Variants in TMEM132C observed in about 807,000 individuals in gnomAD.
TMEM132C encodes the protein transmembrane protein 132C, also known as protein phosphatase 1, regulatory subunit 152.
TMEM132C carries 29 observed loss-of-function variants against 61.4 expected under a neutral mutation model. The observed-to-expected ratio is 0.47, with a 90% CI of 0.35 to 0.64. TMEM132C has a LOEUF of 0.64. Among genes scored for constraint, TMEM132C ranks in the 30% least tolerant of loss-of-function variants. The pLI, the probability that TMEM132C is intolerant of heterozygous loss-of-function variation, is 0.00. For synonymous variants in TMEM132C, 656 were observed against 633.1 expected, an observed-to-expected ratio of 1.04 and a Z score of -0.54; for missense variants, 1,408 against 1,476.9, an observed-to-expected ratio of 0.95 and a Z score of 0.76.
In TMEM132C at chr12:128,415,401, T is replaced by A; in HGVS notation, c.755T>A (p.Ile252Asn). 1 of 1,550,360 alleles carries A rather than the reference T, an allele frequency of 6.5e-7. No individual in the cohort carries two copies. The highest frequency in any genetic ancestry group is 8.7e-7 in the Non-Finnish European group (1 of 1,146,016). The change falls in exon 2 of 9, where the codon ATC becomes AAC. Residue 252 changes from isoleucine to asparagine, a missense_variant. Coordinates refer to ENST00000435159, the MANE Select transcript of TMEM132C (RefSeq NM_001136103.3). This position sits in a 1 kb window ranked among gnomAD's most constrained non-coding sequence, Gnocchi z 5.8. Reference sequence around the variant, plus strand: ...GGTGACTTCAGGAAGGGCAACGCCATCCGTCCAGGAAAGGATGGGCTGGAG... The same window carrying A: ...GGTGACTTCAGGAAGGGCAACGCCAACCGTCCAGGAAAGGATGGGCTGGAG... The part of the protein sequence containing the change: ...AGGDFRKGNA[I>N]RPGKDGLEET...
chr12:128,530,290 G>C (rs569640237), intron 2 of TMEM132C, among the ~76,000 whole-genome samples: 122 of 152,256 alleles, frequency 8.0e-4, no homozygotes, highest in African/African-American at 2.8e-3. Flanking sequence ...GGCTGTGCTG[G>C]TCAGTGTTTA....
intron 2 of TMEM132C, among the ~76,000 whole-genome samples, chr12:128,487,730 G>A (rs1331735569): frequency 6.6e-6 from 1 of 151,932 alleles, no homozygotes; most frequent in Non-Finnish European, 1.5e-5. Context: ...AAGACACAGA[G>A]TGTTCCAGTC....
intron 1 of TMEM132C, among the ~76,000 whole-genome samples, chr12:128,361,072 G>A (rs1405664045): frequency 6.6e-6 from 1 of 152,168 alleles, no homozygotes; most frequent in Non-Finnish European, 1.5e-5. Flanking sequence ...CATGGTGCAG[G>A]AGTTGGGCAG....
rs1294497795 is a variant in TMEM132C at position 128,392,052 on chromosome 12, GTCTCTCTCTCTTTCTC to G, written c.86-22668_86-22653del. Among the ~76,000 whole-genome samples, 729 of 125,566 alleles carry G rather than the reference GTCTCTCTCTCTTTCTC, an allele frequency of 5.8e-3. 8 individuals are homozygous for G. The highest frequency in any genetic ancestry group is 0.019 in the African/African-American group (628 of 33,664). The allele number at this position is 125,566 out of a possible 152,430, so 82.4% of individuals were successfully genotyped here. A position where few individuals can be genotyped will look rare whatever the true frequency, so the allele number is the denominator to read the frequency against. ...CCCACCCTCTGCTCTCTCTGTCTCTGTCTCTCTCTCTTTCTCTCTCTCTCTCTCTCTCTCTCTCTCT... is the reference window on the plus strand; with the variant it reads ...CCCACCCTCTGCTCTCTCTGTCTCTGTCTCTCTCTCTCTCTCTCTCTCTCT... On this transcript the variant is annotated intron_variant, in intron 1 of 8. Transcript: ENST00000435159.
chr12:128,463,074 C>T (rs965160419), intron 2 of TMEM132C, among the ~76,000 whole-genome samples: 5 of 152,098 alleles, frequency 3.3e-5, no homozygotes, highest in African/African-American at 1.2e-4. Context: ...GAGGAGACAT[C>T]CTGGCCAAAG....
intron 2 of TMEM132C, among the ~76,000 whole-genome samples, chr12:128,513,426 A>C (rs1163342953): frequency 6.6e-6 from 1 of 152,190 alleles, no homozygotes; most frequent in Non-Finnish European, 1.5e-5. Flanking sequence ...ACCAGTCTTA[A>C]TTCCTTTGCC....
At chr12:128,691,749 A>G (rs973399200) in intron 5 of TMEM132C, among the ~76,000 whole-genome samples, 1 of 150,828 alleles carries the variant, frequency 6.6e-6, no homozygotes, top group Non-Finnish European at 1.5e-5. Flanking sequence ...CCATTTGTCC[A>G]CCACCCATTC....
chr12:128,665,502 C>A (rs1954451373), intron 4 of TMEM132C, among the ~76,000 whole-genome samples: 1 of 150,710 alleles, frequency 6.6e-6, no homozygotes, highest in South Asian at 2.1e-4. Context: ...GGCACAGGTA[C>A]CCATATGCAC....
At chr12:128,428,779 T>A (rs1057491643) in intron 2 of TMEM132C, among the ~76,000 whole-genome samples, 2 of 152,168 alleles carry the variant, frequency 1.3e-5, no homozygotes, top group African/African-American at 4.8e-5. Context: ...TACAGTTTTC[T>A]AGCTGTGCCA....
chr12:128,478,913 G>T (rs921555122), intron 2 of TMEM132C, among the ~76,000 whole-genome samples: 2 of 152,180 alleles, frequency 1.3e-5, no homozygotes, highest in African/African-American at 4.8e-5. Flanking sequence ...GTGCATTTGC[G>T]ACTTTTCATA....
chr12:128,575,240 G>C (rs116060120), intron 3 of TMEM132C, among the ~76,000 whole-genome samples: 3,699 of 152,310 alleles, frequency 0.024, 131 homozygotes, highest in African/African-American at 0.076. Flanking sequence ...AACACTTTGG[G>C]GGGGCCAAGG....
chr12:128,415,387 G>A lies in TMEM132C; in HGVS notation c.741G>A (p.Arg247=), dbSNP rs1274995977. Residue 247 remains arginine (R), a synonymous_variant, in exon 2 of 9, where the codon AGG becomes AGA. Coordinates refer to ENST00000435159, the MANE Select transcript of TMEM132C (RefSeq NM_001136103.3). This position sits in a 1 kb window ranked among gnomAD's most constrained non-coding sequence, Gnocchi z 5.8. ...GGGACTGTGCCGGGGGTGACTTCAGGAAGGGCAACGCCATCCGTCCAGGAA... is the reference window on the plus strand; with the variant it reads ...GGGACTGTGCCGGGGGTGACTTCAGAAAGGGCAACGCCATCCGTCCAGGAA... ...ERGDCAGGDF[R]KGNAIRPGKD... 5.2e-6 allele frequency: 8 copies of A among 1,550,764 alleles called. No individual in the cohort carries two copies. Among genetic ancestry groups the A allele is most frequent in the Non-Finnish European group, 6.1e-6 (7 of 1,145,886 alleles).
chr12:128,604,455 G>GATA (rs968772427), intron 3 of TMEM132C, among the ~76,000 whole-genome samples: 6 of 137,012 alleles, frequency 4.4e-5, no homozygotes, highest in African/African-American at 1.4e-4. Context: ...ATAGATAATA[G>GATA]ATGGATAGAT....
chr12:128,431,897 A>T (rs1248640718), intron 2 of TMEM132C, among the ~76,000 whole-genome samples: 3 of 152,144 alleles, frequency 2.0e-5, no homozygotes, highest in Non-Finnish European at 4.4e-5. Flanking sequence ...AGAGCAGGCT[A>T]ACTCTCTCCT....
chr12:128,498,436 G>C (rs559237632), intron 2 of TMEM132C, among the ~76,000 whole-genome samples: 6 of 152,318 alleles, frequency 3.9e-5, no homozygotes, highest in African/African-American at 1.4e-4. Flanking sequence ...AGCACTTTGA[G>C]AGGCTGAGGC....
chr12:128,665,857 AC>A (rs1380519468), intron 4 of TMEM132C, among the ~76,000 whole-genome samples: 1 of 147,980 alleles, frequency 6.8e-6, no homozygotes, highest in East Asian at 2.0e-4. Flanking sequence ...ACACACACAC[AC>A]ATACACACAG....
Position 128,436,470 on chromosome 12 carries a change from C to G in TMEM132C, c.974+20850C>G, listed in dbSNP as rs201883944. Among the ~76,000 whole-genome samples the G allele has an allele frequency of 5.6e-4, 85 of 152,234 alleles. No individual in the cohort carries two copies. The East Asian group carries it at 0.016, about 28-fold the overall frequency. The stretch of plus-strand genomic sequence containing the variant: ...ATTTACAAGAAAAAATCAACCCCAT[C>G]AAAAAGTGGGCAAAGGATATGAACA... On this transcript the variant is annotated intron_variant, in intron 2 of 8. Transcript: ENST00000435159.
At chr12:128,322,632 C>T (rs1452632725) in intron 1 of TMEM132C, among the ~76,000 whole-genome samples, 1 of 152,212 alleles carries the variant, frequency 6.6e-6, no homozygotes, top group Non-Finnish European at 1.5e-5. Flanking sequence ...ACTTCAGAGA[C>T]TCTGGGGAGT....
At position 128,695,999 on chromosome 12, in the gene TMEM132C, A is replaced by G; in HGVS notation, c.1825A>G (p.Thr609Ala). 1.3e-6 allele frequency: 2 copies of G among 1,551,610 alleles called. No individual in the cohort carries two copies. Among genetic ancestry groups the G allele is most frequent in the Non-Finnish European group, 1.7e-6 (2 of 1,146,986 alleles). ...TAGTCCTAACTGGCAGTTCGACATC[A>G]CTCACCTGGTGGCAGACTTCATGAA... Reference protein sequence around the residue: ...LLSPNWQFDITHLVADFMKLE... With the variant: ...LLSPNWQFDIAHLVADFMKLE... The change falls in exon 7 of 9, where the codon ACT (threonine) becomes GCT (alanine). Residue 609 changes from threonine (T) to alanine (A), a missense_variant. Physicochemically the swap from Thr to Ala is moderately conservative, Grantham distance 58 (BLOSUM62 0). Transcript: ENST00000435159.
Sources: gnomAD v4.1 joint callset for allele counts (sites outside exome capture counted in the v4.1 genomes callset) on GRCh38, gnomAD v4.1.1 for gene constraint, Gnocchi (gnomAD v3.1) non-coding constraint, MANE v1.5 for transcripts, NCBI Gene and HGNC (gene_info 2026-07-23, HGNC 2026-07-21) for gene names.